The following FARS2 variants were observed in gnomAD, a reference collection of about 807,000 sequenced individuals.
FARS2 encodes the protein phenylalanyl-tRNA synthetase 2, mitochondrial, also known as phenylalanine--tRNA ligase, mitochondrial.
A neutral mutation model predicts 46.4 loss-of-function variants in FARS2; 40 were observed. The ratio of observed to expected loss-of-function variants is 0.86; its 90% CI spans 0.67 to 1.12. The LOEUF (loss-of-function observed/expected upper bound fraction) is 1.12. FARS2 is among the 50% of genes most tolerant of loss of function. The pLI is 0.00. For synonymous variants in FARS2, 234 were observed against 214.9 expected (o/e 1.09, Z -0.78); for missense variants, 513 against 567.9 (o/e 0.90, Z 0.98).
chr6:5,752,006 G>A (rs897791662), intron 6 of FARS2, among the ~76,000 whole-genome samples: 6 of 152,262 alleles, frequency 3.9e-5, no homozygotes, highest in Non-Finnish European at 2.9e-5. Flanking sequence ...CATGTGCCCG[G>A]AGGTGGTTTA....
intron 1 of FARS2, among the ~76,000 whole-genome samples, chr6:5,330,310 T>TC (rs540604269): frequency 5.9e-4 from 90 of 152,308 alleles, no homozygotes; most frequent in Non-Finnish European, 1.2e-3. Context: ...CTCACTTTTT[T>TC]CTTTTGTGAT....
chr6:5,444,125 GTA>G (rs1491137758), intron 4 of FARS2, among the ~76,000 whole-genome samples: 15 of 148,172 alleles, frequency 1.0e-4, no homozygotes, highest in East Asian at 7.8e-4. Flanking sequence ...GTGTGTGTGT[GTA>G]TGTGTGCATG....
intron 4 of FARS2, among the ~76,000 whole-genome samples, chr6:5,454,353 T>G (rs900123941): frequency 2.0e-5 from 3 of 152,134 alleles, no homozygotes; most frequent in African/African-American, 7.2e-5. Flanking sequence ...ATTTATTTAT[T>G]TATTTAGAGA....
chr6:5,268,137 T>C (rs993609152), intron 1 of FARS2, among the ~76,000 whole-genome samples: 2 of 152,140 alleles, frequency 1.3e-5, no homozygotes, highest in Admixed American at 6.5e-5. Context: ...GCAAAAATTT[T>C]CTCCCATTCT....
chr6:5,432,339 TATATA>T (rs1363395584), intron 4 of FARS2, among the ~76,000 whole-genome samples: 2,267 of 32,914 alleles, frequency 0.069, 42 homozygotes, highest in South Asian at 0.18. Context: ...TATATATATA[TATATA>T]TATATATTAT....
At chr6:5,715,204 C>T (rs901910095) in intron 6 of FARS2, among the ~76,000 whole-genome samples, 2 of 152,122 alleles carry the variant, frequency 1.3e-5, no homozygotes, top group African/African-American at 4.8e-5. Context: ...CAGGGTCACA[C>T]AGCTCATAAT....
chr6:5,697,675 A>T (rs903954962), intron 6 of FARS2, among the ~76,000 whole-genome samples: 27 of 152,338 alleles, frequency 1.8e-4, no homozygotes, highest in African/African-American at 6.5e-4. Context: ...AAAATTGATG[A>T]TTCACCTTTG....
In FARS2 at chr6:5,642,420, G is replaced by C. The variant is rs575108546; in HGVS notation, c.1217+29100G>C. On this transcript the variant is annotated intron_variant, in intron 6 of 6. Coordinates refer to ENST00000274680, the MANE Select transcript of FARS2 (RefSeq NM_006567.5). ...AAGCTTTCTGATTGCTTGGATTAAG[G>C]ACTAATGATACCTTATGCCAAGGTA... Among the ~76,000 whole-genome samples, 13 of 152,190 alleles carry C rather than the reference G, an allele frequency of 8.5e-5. No individual in the cohort carries two copies. In the East Asian group the frequency reaches 2.5e-3, roughly 29 times the overall value.
chr6:5,523,683 A>C (rs557884926), intron 4 of FARS2, among the ~76,000 whole-genome samples: 6 of 152,336 alleles, frequency 3.9e-5, no homozygotes, highest in Admixed American at 1.3e-4. Flanking sequence ...TCTAGGCTAC[A>C]GCAAACTCAC....
chr6:5,422,793 T>C (rs1406344511), intron 3 of FARS2, among the ~76,000 whole-genome samples: 1 of 152,212 alleles, frequency 6.6e-6, no homozygotes, highest in Non-Finnish European at 1.5e-5. Flanking sequence ...ATGCTTATTT[T>C]TTCATATTTT....
intron 1 of FARS2, among the ~76,000 whole-genome samples, chr6:5,287,171 T>TGC (rs1159486375): frequency 6.6e-6 from 1 of 152,180 alleles, no homozygotes; most frequent in Non-Finnish European, 1.5e-5. Flanking sequence ...TTCCCGGGTG[T>TGC]GATATAGTGT....
At chr6:5,624,163 A>G (rs1463520722) in intron 6 of FARS2, among the ~76,000 whole-genome samples, 2 of 150,258 alleles carry the variant, frequency 1.3e-5, no homozygotes, top group Admixed American at 6.6e-5. Flanking sequence ...CGAAAAAGCA[A>G]TTCTCACAAA....
intron 4 of FARS2, among the ~76,000 whole-genome samples, chr6:5,455,235 T>G (rs1764774272): frequency 6.6e-6 from 1 of 152,212 alleles, no homozygotes; most frequent in Non-Finnish European, 1.5e-5. Flanking sequence ...GATTTTTAAA[T>G]CTTTGCAGAA....
intron 5 of FARS2, among the ~76,000 whole-genome samples, chr6:5,550,433 T>G (rs1489626270): frequency 1.3e-5 from 2 of 152,032 alleles, no homozygotes; most frequent in Non-Finnish European, 2.9e-5. Context: ...CCCAGCCAAT[T>G]TTTTGTGTTT....
At chr6:5,669,307 A>G (rs1016314135) in intron 6 of FARS2, among the ~76,000 whole-genome samples, 2 of 152,090 alleles carry the variant, frequency 1.3e-5, no homozygotes, top group African/African-American at 4.8e-5. Context: ...AAACAGAGAA[A>G]GTTGCTCCCG....
intron 6 of FARS2, among the ~76,000 whole-genome samples, chr6:5,645,860 CA>C (rs1223193017): frequency 6.6e-6 from 1 of 152,200 alleles, no homozygotes; most frequent in East Asian, 1.9e-4. Flanking sequence ...TGCATTTCAA[CA>C]AAGAACCTTT....
At chr6:5,384,632 C>G (rs1204383819) in intron 2 of FARS2, among the ~76,000 whole-genome samples, 1 of 152,122 alleles carries the variant, frequency 6.6e-6, no homozygotes, top group Admixed American at 6.5e-5. Flanking sequence ...TATGGACAGG[C>G]CATGTTGGCC....
chr6:5,635,653 C>G (rs941472385), intron 6 of FARS2, among the ~76,000 whole-genome samples: 3 of 152,066 alleles, frequency 2.0e-5, no homozygotes, highest in Admixed American at 2.0e-4. Context: ...ATGGCAGAAT[C>G]GGAACACGCA....
chr6:5,280,565 C>G (rs186744689), intron 1 of FARS2, among the ~76,000 whole-genome samples: 7 of 152,304 alleles, frequency 4.6e-5, no homozygotes, highest in Non-Finnish European at 8.8e-5. Context: ...CTAGAACATA[C>G]TAAGCCTTTC....
Sources: gnomAD v4.1 joint callset for allele counts (sites outside exome capture counted in the v4.1 genomes callset) on GRCh38, gnomAD v4.1.1 for gene constraint, MANE v1.5 for transcripts, NCBI Gene and HGNC (gene_info 2026-07-23, HGNC 2026-07-21) for gene names.